HHAT: variants seen among roughly 807,000 people sequenced by gnomAD.
The protein encoded by HHAT is protein-cysteine N-palmitoyltransferase HHAT.
A neutral mutation model predicts 70.8 loss-of-function variants in HHAT; 47 were observed. The observed-to-expected ratio is 0.66, with a 90% CI of 0.53 to 0.85. The LOEUF (loss-of-function observed/expected upper bound fraction) is 0.85. Ranked by LOEUF, HHAT falls within the 40% of genes least tolerant of loss-of-function variation. The pLI, the probability that HHAT is intolerant of heterozygous loss-of-function variation, is 0.00. For synonymous variants in HHAT, 228 were observed against 247.6 expected (o/e 0.92, Z 0.74); for missense variants, 609 against 604.8 (o/e 1.01, Z -0.07).
At chr1:210,574,046 T>C (rs1003671963) in intron 9 of HHAT, among the ~76,000 whole-genome samples, 4 of 152,218 alleles carry the variant, frequency 2.6e-5, no homozygotes, top group Admixed American at 2.0e-4. Context: ...AATTCTGTGT[T>C]GCAGATATTG....
chr1:210,509,947 A>G (rs940259924), intron 8 of HHAT, among the ~76,000 whole-genome samples: 59 of 152,252 alleles, frequency 3.9e-4, no homozygotes, highest in African/African-American at 1.4e-3. Flanking sequence ...CCTTTCATGC[A>G]TTGGGTGTCT....
intron 8 of HHAT, among the ~76,000 whole-genome samples, chr1:210,499,987 A>G (rs762522194): frequency 1.5e-4 from 23 of 152,256 alleles, no homozygotes; most frequent in Non-Finnish European, 2.8e-4. Context: ...ATTTTTAGAT[A>G]TAATGACTGT....
chr1:210,646,574 CTG>C (rs746651014), intron 11 of HHAT, among the ~76,000 whole-genome samples: 3 of 152,304 alleles, frequency 2.0e-5, no homozygotes, highest in East Asian at 1.9e-4. Context: ...GAAAGAAAAA[CTG>C]TGTTTCTTTT....
At chr1:210,480,938 C>A (rs1572732745) in intron 8 of HHAT, among the ~76,000 whole-genome samples, 1 of 152,298 alleles carries the variant, frequency 6.6e-6, no homozygotes, top group East Asian at 1.9e-4. Flanking sequence ...TTGTTGAGTG[C>A]CTGTTATGTG....
At chr1:210,522,605 C>A (rs2148610305) in intron 9 of HHAT, among the ~76,000 whole-genome samples, 1 of 152,332 alleles carries the variant, frequency 6.6e-6, no homozygotes, top group East Asian at 1.9e-4. Flanking sequence ...ACATCCACCC[C>A]TTCCTTTCTG....
At chr1:210,471,524 G>C (rs1320587346) in intron 8 of HHAT, among the ~76,000 whole-genome samples, 3 of 151,938 alleles carry the variant, frequency 2.0e-5, no homozygotes, top group Admixed American at 1.3e-4. Context: ...TTTTCTGAGG[G>C]GGGTGCTGAA....
chr1:210,394,183 C>G lies in HHAT; in HGVS notation c.274-6285C>G, dbSNP rs2091632856. Among the ~76,000 whole-genome samples the G allele has an allele frequency of 2.7e-5, 4 of 149,908 alleles. No homozygotes were observed. The South Asian group carries it at 8.5e-4, about 32-fold the overall frequency. On this transcript the variant is annotated intron_variant, in intron 4 of 11. Coordinates refer to ENST00000261458, the MANE Select transcript of HHAT (RefSeq NM_018194.6). ...TTCCTTGGCTCATTCCACCTCCTCC[C>G]ATGGAGAGGTGACAGGTTATTTTTA... is the stretch of plus-strand genomic sequence containing the variant.
intron 10 of HHAT, among the ~76,000 whole-genome samples, chr1:210,607,728 T>A (rs1463795988): frequency 6.6e-6 from 1 of 152,046 alleles, no homozygotes; most frequent in Non-Finnish European, 1.5e-5. Context: ...TAGGTTTTCT[T>A]TTCTTTTTTT....
chr1:210,354,847 T>C (rs1420506533), intron 2 of HHAT, among the ~76,000 whole-genome samples: 1 of 152,218 alleles, frequency 6.6e-6, no homozygotes, highest in Non-Finnish European at 1.5e-5. Context: ...TCCAGATATA[T>C]ATTTGAAATT....
At chr1:210,348,651 A>G (rs1303231050) in intron 1 of HHAT, among the ~76,000 whole-genome samples, 1 of 151,894 alleles carries the variant, frequency 6.6e-6, no homozygotes, top group Non-Finnish European at 1.5e-5. Context: ...TGTCTGATGT[A>G]TACTCTGATG....
intron 3 of HHAT, among the ~76,000 whole-genome samples, chr1:210,364,447 A>C (rs1029137942): frequency 2.6e-5 from 4 of 152,240 alleles, no homozygotes; most frequent in African/African-American, 7.2e-5. Context: ...TTAGAGTTAA[A>C]ATTCAAGCAT....
At chr1:210,423,007 T>G (rs1429119670) in intron 7 of HHAT, among the ~76,000 whole-genome samples, 2 of 152,188 alleles carry the variant, frequency 1.3e-5, no homozygotes, top group African/African-American at 4.8e-5. Flanking sequence ...TCTTGGCTGT[T>G]GTGAATAGTG....
At chr1:210,670,854 A>G (rs1484785112) in intron 11 of HHAT, among the ~76,000 whole-genome samples, 2 of 152,158 alleles carry the variant, frequency 1.3e-5, no homozygotes, top group African/African-American at 4.8e-5. Flanking sequence ...CTTTTAAAAA[A>G]TTACTCTGAG....
intron 8 of HHAT, among the ~76,000 whole-genome samples, chr1:210,470,698 T>C (rs994427220): frequency 3.3e-5 from 5 of 152,122 alleles, no homozygotes; most frequent in African/African-American, 1.2e-4. Flanking sequence ...AGTTTTAGAG[T>C]AAGAAGCAAT....
At position 210,394,525 on chromosome 1, in the gene HHAT, A is replaced by G. The variant is rs1057177252; in HGVS notation, c.274-5943A>G. ...CTGAGACATTGTGTTCTCTGCCCTC[A>G]GAACCAAAAAATACCCCCGTGTGAA... On this transcript the variant is annotated intron_variant, in intron 4 of 11. Transcript: ENST00000261458. Among the ~76,000 whole-genome samples the G allele has an allele frequency of 3.3e-5, 5 of 152,246 alleles. No homozygotes were observed. The Middle Eastern group carries it at 0.017, about 521-fold the overall frequency.
intron 3 of HHAT, among the ~76,000 whole-genome samples, chr1:210,379,103 G>A (rs1000494023): frequency 3.3e-5 from 5 of 152,244 alleles, no homozygotes; most frequent in Non-Finnish European, 7.3e-5. Context: ...CACAACATCT[G>A]CTGCCACATA....
chr1:210,591,917 A>G (rs1005034146), intron 10 of HHAT, among the ~76,000 whole-genome samples: 1 of 152,086 alleles, frequency 6.6e-6, no homozygotes, highest in Non-Finnish European at 1.5e-5. Context: ...AGCTCCTTAT[A>G]TATCCTGGTT....
intron 1 of HHAT, among the ~76,000 whole-genome samples, chr1:210,330,232 C>T (rs1338092954): frequency 7.2e-5 from 11 of 152,146 alleles, no homozygotes; most frequent in African/African-American, 2.4e-4. Context: ...CCTCCTTTCT[C>T]GTTGCCAGTC....
At chr1:210,395,035 AGCT>A (rs1393372885) in intron 4 of HHAT, among the ~76,000 whole-genome samples, 3 of 152,190 alleles carry the variant, frequency 2.0e-5, no homozygotes, top group Non-Finnish European at 4.4e-5. Context: ...TTTCAGTAGC[AGCT>A]GCTATTGATT....
Sources: gnomAD v4.1 joint callset for allele counts (sites outside exome capture counted in the v4.1 genomes callset) on GRCh38, gnomAD v4.1.1 for gene constraint, MANE v1.5 for transcripts, NCBI Gene and HGNC (gene_info 2026-07-23, HGNC 2026-07-21) for gene names.